PHACTR1: variants seen among roughly 807,000 people sequenced by gnomAD.
PHACTR1 encodes the protein phosphatase and actin regulator 1, also known as RPEL repeat containing 1.
A neutral mutation model predicts 69.2 loss-of-function variants in PHACTR1; 16 were observed. The observed-to-expected ratio is 0.23, with a 90% CI of 0.16 to 0.35. The LOEUF (loss-of-function observed/expected upper bound fraction) is 0.35, where lower values mean the gene tolerates loss of function less well. Among genes scored for constraint, PHACTR1 ranks in the 10% least tolerant of loss-of-function variants. The probability of loss-of-function intolerance (pLI) is 1.00; values close to 1 mark genes in which losing one functional copy is unlikely to be tolerated. For synonymous variants in PHACTR1, 312 were observed against 284.5 expected, an observed-to-expected ratio of 1.10 and a Z score of -0.97; for missense variants, 510 against 734.7, an observed-to-expected ratio of 0.69 and a Z score of 3.54.
At chr6:12,762,675 ACTC>A (rs1561859245) in intron 4 of PHACTR1, among the ~76,000 whole-genome samples, 1 of 152,014 alleles carries the variant, frequency 6.6e-6, no homozygotes, top group Non-Finnish European at 1.5e-5. Context: ...TCACCTCAGA[ACTC>A]CTCCCTGTGC....
chr6:12,754,770 T>A (rs1009863631), intron 4 of PHACTR1, among the ~76,000 whole-genome samples: 3 of 152,220 alleles, frequency 2.0e-5, no homozygotes, highest in African/African-American at 7.2e-5. Flanking sequence ...GCGTCTGTAC[T>A]GAACATGTAA....
intron 7 of PHACTR1, among the ~76,000 whole-genome samples, chr6:13,191,063 T>C (rs1478344125): frequency 6.6e-6 from 1 of 152,188 alleles, no homozygotes; most frequent in Admixed American, 6.5e-5. Context: ...TGTTTTTCTC[T>C]GATGCTCTCT....
chr6:12,858,981 AG>A (rs1780681215), intron 4 of PHACTR1, among the ~76,000 whole-genome samples: 2 of 152,216 alleles, frequency 1.3e-5, no homozygotes, highest in African/African-American at 4.8e-5. Flanking sequence ...AGAAAACTAA[AG>A]CTTGGCGAAT....
chr6:12,899,590 A>G lies in PHACTR1; in HGVS notation c.250+149800A>G, dbSNP rs539164370. 3.9e-5 allele frequency among the ~76,000 whole-genome samples: 6 copies of G among 152,328 alleles called. No individual in the cohort carries two copies. In the Middle Eastern group the frequency reaches 0.01, roughly 259 times the overall value. On this transcript the variant is annotated intron_variant, in intron 4 of 14. Transcript: ENST00000332995. ...GTCAGTGACAAGAGAGGCAAGCTGC[A>G]ATTTCCAGGTACTGGAGTCACTGTG... is the stretch of plus-strand genomic sequence containing the variant.
chr6:12,926,661 C>A (rs900522023), intron 4 of PHACTR1, among the ~76,000 whole-genome samples: 2 of 152,216 alleles, frequency 1.3e-5, no homozygotes, highest in African/African-American at 4.8e-5. Context: ...GCATTTCTGG[C>A]TTTGGCAGCT....
chr6:13,273,031 C>G, intron 11 of PHACTR1, 116 bp downstream of exon 11: 1 of 1,443,156 alleles, frequency 6.9e-7, no homozygotes, highest in Non-Finnish European at 9.4e-7. Context: ...GAAAACCTTT[C>G]TAACGGTTGA....
chr6:13,010,918 G>A (rs1216407284), intron 4 of PHACTR1, among the ~76,000 whole-genome samples: 2 of 152,162 alleles, frequency 1.3e-5, no homozygotes, highest in Admixed American at 6.5e-5. Flanking sequence ...GAGGAAATGC[G>A]GGACAGTGCG....
chr6:12,950,611 C>G (rs138073706), intron 4 of PHACTR1, among the ~76,000 whole-genome samples: 1 of 152,182 alleles, frequency 6.6e-6, no homozygotes, highest in African/African-American at 2.4e-5. Context: ...CATTTAATTT[C>G]CCCCAAATAA....
chr6:13,222,363 C>T (rs914886494), intron 8 of PHACTR1, among the ~76,000 whole-genome samples: 2 of 152,172 alleles, frequency 1.3e-5, no homozygotes, highest in African/African-American at 4.8e-5. Context: ...TTCACTCAAG[C>T]GTCAGCCTGG....
At chr6:13,021,528 A>T (rs770586140) in intron 4 of PHACTR1, among the ~76,000 whole-genome samples, 1 of 152,144 alleles carries the variant, frequency 6.6e-6, no homozygotes, top group Admixed American at 6.5e-5. Context: ...CATCTCTCTT[A>T]TGTATGTACC....
intron 4 of PHACTR1, among the ~76,000 whole-genome samples, chr6:12,929,492 C>A (rs1049498313): frequency 6.6e-6 from 1 of 152,184 alleles, no homozygotes; most frequent in South Asian, 2.1e-4. Context: ...TATAAGCTCT[C>A]AAATGTTATC....
At chr6:13,230,611 T>G (rs1770730024) in intron 10 of PHACTR1, among the ~76,000 whole-genome samples, 1 of 151,838 alleles carries the variant, frequency 6.6e-6, no homozygotes, top group African/African-American at 2.4e-5. Flanking sequence ...CAAGGTTGTT[T>G]CTATAGTGCC....
chr6:12,750,626 C>A (rs1766502263), intron 4 of PHACTR1, among the ~76,000 whole-genome samples: 1 of 152,030 alleles, frequency 6.6e-6, no homozygotes, highest in African/African-American at 2.4e-5. Context: ...TCAAAAAATG[C>A]CTCAGTTGAG....
In PHACTR1 at chr6:13,206,299, G is replaced by GA. The variant is rs533305187; in HGVS notation, c.986+173dup. Among the ~76,000 whole-genome samples the GA allele has an allele frequency of 3.9e-3, 578 of 149,046 alleles. 1 individual carries two copies. Among genetic ancestry groups the GA allele is most frequent in the South Asian group, 8.5e-3 (40 of 4,698 alleles). ...ACAAAAAACTGAAGGTCAAAGCATG[G>GA]AAAAAAAAAATGTTGCCAATTGAAA... On this transcript the variant is annotated intron_variant, in intron 8 of 14. Coordinates refer to ENST00000332995, the MANE Select transcript of PHACTR1 (RefSeq NM_030948.6).
intron 4 of PHACTR1, among the ~76,000 whole-genome samples, chr6:12,755,833 C>G (rs1308948011): frequency 6.6e-6 from 1 of 152,070 alleles, no homozygotes; most frequent in Non-Finnish European, 1.5e-5. Flanking sequence ...CCCCTTTACC[C>G]TTTTAGATTA....
At chr6:12,902,469 C>T (rs1471849111) in intron 4 of PHACTR1, among the ~76,000 whole-genome samples, 2 of 152,144 alleles carry the variant, frequency 1.3e-5, no homozygotes, top group African/African-American at 4.8e-5. Flanking sequence ...CAATCTTCCC[C>T]TTACCTTCCA....
intron 7 of PHACTR1, among the ~76,000 whole-genome samples, chr6:13,199,671 C>A (rs761139397): frequency 6.6e-6 from 1 of 152,158 alleles, no homozygotes; most frequent in Non-Finnish European, 1.5e-5. Flanking sequence ...TTGCTTGACA[C>A]AAAATTTTGA....
intron 3 of PHACTR1, among the ~76,000 whole-genome samples, chr6:12,747,899 A>T (rs1259464409): frequency 6.6e-6 from 1 of 152,196 alleles, no homozygotes; most frequent in Admixed American, 6.5e-5. Context: ...ATGCCAGCAT[A>T]AGCAGTTTCA....
At chr6:13,153,146 A>G (rs1757678826) in intron 5 of PHACTR1, among the ~76,000 whole-genome samples, 1 of 152,254 alleles carries the variant, frequency 6.6e-6, no homozygotes, top group Non-Finnish European at 1.5e-5. Context: ...CAGGAGAGGC[A>G]GTCCATCCAG....
Sources: gnomAD v4.1 joint callset for allele counts (sites outside exome capture counted in the v4.1 genomes callset) on GRCh38, gnomAD v4.1.1 for gene constraint, MANE v1.5 for transcripts, NCBI Gene and HGNC (gene_info 2026-07-23, HGNC 2026-07-21) for gene names.